Variants in RANBP2 observed in about 807,000 individuals in gnomAD.
RANBP2 encodes RAN binding protein 2.
In RANBP2, 57 loss-of-function variants were observed where a neutral mutation model predicts 303.6. The ratio of observed to expected loss-of-function variants is 0.19; its 90% confidence interval spans 0.15 to 0.23. The LOEUF is 0.23. Ranked by LOEUF, RANBP2 falls within the 10% of genes least tolerant of loss-of-function variation. The pLI, the probability that RANBP2 is intolerant of heterozygous loss-of-function variation, is 1.00. For synonymous variants in RANBP2, 1,167 were observed against 1,301.5 expected, an observed-to-expected ratio of 0.90 and a Z score of 2.23; for missense variants, 3,138 against 3,780.8, an observed-to-expected ratio of 0.83 and a Z score of 4.46.
the RANBP2 span, among the ~76,000 whole-genome samples, chr2:109,177,369 G>C: frequency 4.9e-4 from 75 of 152,314 alleles, no homozygotes; most frequent in African/African-American, 1.5e-3. Flanking sequence ...AACTAACCAG[G>C]CTCTGCCATT....
the RANBP2 span, among the ~76,000 whole-genome samples, chr2:109,464,476 CT>C: frequency 6.6e-6 from 1 of 152,202 alleles, no homozygotes; most frequent in Non-Finnish European, 1.5e-5. Context: ...ATGTAAACAT[CT>C]GTACACATAT....
the RANBP2 span, among the ~76,000 whole-genome samples, chr2:108,915,805 G>A: frequency 6.6e-6 from 1 of 152,142 alleles, no homozygotes; most frequent in African/African-American, 2.4e-5. Context: ...GCTGAGGCAA[G>A]AGAATCGCTG....
At chr2:109,578,451 A>C in the RANBP2 span, among the ~76,000 whole-genome samples, 11 of 152,364 alleles carry the variant, frequency 7.2e-5, no homozygotes, top group Admixed American at 5.2e-4. Context: ...GGATAAAATA[A>C]AAATGGAGAT....
the RANBP2 span, among the ~76,000 whole-genome samples, chr2:109,634,069 G>A: frequency 0.01 from 1,328 of 131,100 alleles, 60 homozygotes; most frequent in East Asian, 0.14. Flanking sequence ...GCAGTGAGCC[G>A]AGGTCGCGCC....
the RANBP2 span, among the ~76,000 whole-genome samples, chr2:109,281,321 C>T: frequency 2.0e-5 from 3 of 152,210 alleles, no homozygotes; most frequent in Admixed American, 6.5e-5. Flanking sequence ...TCTTCCTTCC[C>T]CGGGCCCCCT....
chr2:109,085,136 T>C, the RANBP2 span, among the ~76,000 whole-genome samples: 1 of 152,130 alleles, frequency 6.6e-6, no homozygotes, highest in Non-Finnish European at 1.5e-5. Flanking sequence ...GAGGACCGGG[T>C]TTGAGCCCTT....
chr2:109,272,467 G>T, the RANBP2 span, among the ~76,000 whole-genome samples: 1 of 152,240 alleles, frequency 6.6e-6, no homozygotes, highest in African/African-American at 2.4e-5. Flanking sequence ...CTTTCCTGGT[G>T]TGTGGGACGC....
intron 17 of RANBP2, among the ~76,000 whole-genome samples, chr2:108,756,917 T>C (rs1198669450): frequency 1.3e-5 from 2 of 152,232 alleles, no homozygotes; most frequent in Non-Finnish European, 2.9e-5. Context: ...TCCACTAGTT[T>C]CTTATTGGAT....
chr2:109,686,700 C>T, the RANBP2 span, among the ~76,000 whole-genome samples: 630 of 152,276 alleles, frequency 4.1e-3, 7 homozygotes, highest in African/African-American at 0.015. Context: ...TAACCTCCAC[C>T]TTCTGGGCTC....
chr2:109,302,536 G>A, the RANBP2 span, among the ~76,000 whole-genome samples: 1 of 152,356 alleles, frequency 6.6e-6, no homozygotes, highest in African/African-American at 2.4e-5. Flanking sequence ...CCCTCTAGGA[G>A]CTTGGGGACC....
At chr2:109,064,532 C>A in the RANBP2 span, among the ~76,000 whole-genome samples, 1 of 150,394 alleles carries the variant, frequency 6.6e-6, no homozygotes, top group Non-Finnish European at 1.5e-5. Flanking sequence ...AGTGCAAAGT[C>A]TTTACCTTTA....
At chr2:109,028,922 A>G in the RANBP2 span, among the ~76,000 whole-genome samples, 2 of 151,972 alleles carry the variant, frequency 1.3e-5, no homozygotes, top group African/African-American at 2.4e-5. Context: ...TTTAGTTGTG[A>G]TTGTTTATTT....
chr2:108,891,798 G>T, the RANBP2 span, among the ~76,000 whole-genome samples: 1 of 152,232 alleles, frequency 6.6e-6, no homozygotes, highest in African/African-American at 2.4e-5. Flanking sequence ...CATTGATGTT[G>T]GTGGTTGCTG....
chr2:108,773,238 C>T (rs1248796619), intron 23 of RANBP2, among the ~76,000 whole-genome samples, 192 bp downstream of exon 23: 1 of 152,162 alleles, frequency 6.6e-6, no homozygotes, highest in Non-Finnish European at 1.5e-5. Context: ...CTTCCTCAGC[C>T]TCCCGAGTAG....
At chr2:109,079,630 A>G in the RANBP2 span, among the ~76,000 whole-genome samples, 1 of 152,236 alleles carries the variant, frequency 6.6e-6, no homozygotes, top group Non-Finnish European at 1.5e-5. Flanking sequence ...GGTCCCAACC[A>G]GCAGAGGGGA....
At chr2:109,446,597 G>A in the RANBP2 span, among the ~76,000 whole-genome samples, 4 of 152,172 alleles carry the variant, frequency 2.6e-5, no homozygotes, top group African/African-American at 9.7e-5. Context: ...CCAGGCACCC[G>A]AGGGTCCCAC....
At chr2:109,220,322 T>C in the RANBP2 span, among the ~76,000 whole-genome samples, 2 of 152,144 alleles carry the variant, frequency 1.3e-5, no homozygotes, top group Admixed American at 6.5e-5. Flanking sequence ...TATAAAACTG[T>C]TATAAGAATA....
the RANBP2 span, among the ~76,000 whole-genome samples, chr2:109,041,145 T>C: frequency 1.3e-5 from 2 of 152,238 alleles, no homozygotes; most frequent in African/African-American, 2.4e-5. Context: ...ATGCAATTGG[T>C]TTTTAAAATA....
chr2:108,762,249 G>C, intron 19 of RANBP2, 54 bp downstream of exon 19: 4 of 1,464,728 alleles, frequency 2.7e-6, no homozygotes, highest in Non-Finnish European at 3.6e-6. Flanking sequence ...AAATTGTTTA[G>C]GGTTCCTTCA....
Sources: allele counts gnomAD v4.1 joint callset (sites outside exome capture counted in the v4.1 genomes callset), GRCh38; gene constraint gnomAD v4.1.1; transcripts MANE v1.5; gene names NCBI Gene and HGNC (gene_info 2026-07-23, HGNC 2026-07-21).